Variants in CYP4F22 observed in about 807,000 individuals in gnomAD.
CYP4F22 encodes cytochrome P450 family 4 subfamily F member 22.
CYP4F22 carries 37 observed loss-of-function variants against 60.4 expected under a neutral mutation model. The ratio of observed to expected loss-of-function variants is 0.61; its 90% CI spans 0.47 to 0.81. The LOEUF (loss-of-function observed/expected upper bound fraction) is 0.81, where lower values mean the gene tolerates loss of function less well. Ranked by LOEUF, CYP4F22 falls within the 30% of genes least tolerant of loss-of-function variation. The pLI is 0.00. For synonymous variants in CYP4F22, 258 were observed against 280.5 expected, an observed-to-expected ratio of 0.92 and a Z score of 0.80; for missense variants, 655 against 715.0, an observed-to-expected ratio of 0.92 and a Z score of 0.96.
intron 2 of CYP4F22, among the ~76,000 whole-genome samples, chr19:15,524,669 GGAGA>G (rs35033946): frequency 8.3e-6 from 1 of 120,704 alleles, no homozygotes; most frequent in African/African-American, 2.9e-5. Context: ...AAAGAAAGAA[GGAGA>G]GAGAGAGAGA....
chr19:15,524,064 G>GA (rs71333384), intron 2 of CYP4F22, among the ~76,000 whole-genome samples: 23,905 of 97,942 alleles, frequency 0.24, 2,701 homozygotes, highest in East Asian at 0.66. Context: ...TGTCTCAAAA[G>GA]AAAAAAAAAA....
chr19:15,529,730 C>T lies in CYP4F22; in HGVS notation c.244C>T (p.Leu82Phe), dbSNP rs750057163. The T allele has an allele frequency of 4.3e-6, 7 of 1,614,122 alleles. No individual in the cohort carries two copies. Among genetic ancestry groups the T allele is most frequent in the African/African-American group, 1.3e-5 (1 of 75,024 alleles). ...GCAGTACCTTCCAAATGAGGCGGGC[C>T]TTCAAGATGAGAAGAAGGTACTGGA... Reference protein sequence around the residue: ...LGMYLPNEAGLQDEKKVLDNM... With the variant: ...LGMYLPNEAGFQDEKKVLDNM... Residue 82 changes from leucine (L) to phenylalanine (F), a missense_variant, in exon 4 of 14, where the codon CTT (leucine) becomes TTT (phenylalanine). This residue lies in a region of CYP4F22 where 430 missense variants were observed against 457.1 expected (regional missense o/e 0.94). Transcript: ENST00000269703.
At chr19:15,534,040 AG>A (rs1971370924) in intron 4 of CYP4F22, among the ~76,000 whole-genome samples, 1 of 152,200 alleles carries the variant, frequency 6.6e-6, no homozygotes, top group Non-Finnish European at 1.5e-5. Context: ...TTTTCCACAG[AG>A]GGTGTGCATT....
At chr19:15,509,904 C>CCTTCCTTCTTTCTTTCTTT (rs1323141197) in intron 1 of CYP4F22, among the ~76,000 whole-genome samples, 2 of 86,696 alleles carry the variant, frequency 2.3e-5, no homozygotes, top group Non-Finnish European at 5.0e-5. Flanking sequence ...TTCCTTCCTT[C>CCTTCCTTCTTTCTTTCTTT]CTTTCTTTCT....
At chr19:15,539,574 C>T (rs1273533) in intron 7 of CYP4F22, among the ~76,000 whole-genome samples, 117,001 of 152,176 alleles carry the variant, frequency 0.77, 45,171 homozygotes, top group East Asian at 0.91. Context: ...CTGGGTCATA[C>T]GGTAATTCCA....
At chr19:15,528,886 C>G (rs1971310931) in intron 3 of CYP4F22, among the ~76,000 whole-genome samples, 1 of 152,152 alleles carries the variant, frequency 6.6e-6, no homozygotes, top group Non-Finnish European at 1.5e-5. Flanking sequence ...TTATTACTCA[C>G]ATAGCAAGTA....
chr19:15,510,243 A>G (rs1971074612), intron 1 of CYP4F22, among the ~76,000 whole-genome samples: 1 of 151,984 alleles, frequency 6.6e-6, no homozygotes, highest in Non-Finnish European at 1.5e-5. Flanking sequence ...CAGCCTCCCA[A>G]AGTGCTGGGA....
chr19:15,545,648 CAAAAAAAAAA>C (rs1217096575), intron 10 of CYP4F22, among the ~76,000 whole-genome samples: 2 of 38,936 alleles, frequency 5.1e-5, no homozygotes, highest in Non-Finnish European at 4.6e-5. Flanking sequence ...GACCCTGTCT[CAAAAAAAAAA>C]AAAAAAAAAA....
rs1249863290 is a variant in CYP4F22, at chr19:15,551,640, C to T, written c.*169C>T. On this transcript the variant is annotated 3_prime_UTR_variant, in exon 14 of 14. Transcript: ENST00000269703. ...GCCTGGTGGTACTGGCCACGCCCCT[C>T]AAGGCAAGGCTCCTCCCCTTAGGGG... is the stretch of plus-strand genomic sequence containing the variant. 3.5e-6 allele frequency: 3 copies of T among 850,596 alleles called. No individual in the cohort carries two copies. Among genetic ancestry groups the T allele is most frequent in the African/African-American group, 1.7e-5 (1 of 58,668 alleles). 52.7% of individuals were successfully genotyped at this position (850,596 alleles called of 1,614,324 possible).
rs148134550 is a variant in CYP4F22 at position 15,516,351 on chromosome 19, C to T, written c.-108-7342C>T. 6.6e-5 allele frequency among the ~76,000 whole-genome samples: 10 copies of T among 152,294 alleles called. No homozygotes were observed. The East Asian group carries it at 1.7e-3, about 26-fold the overall frequency. ...GCAACTTCCTCTTTTCCTTTGCTCTCTATTGCCTTTACCTATTTAGGAAAG... is the reference window on the plus strand; with the variant it reads ...GCAACTTCCTCTTTTCCTTTGCTCTTTATTGCCTTTACCTATTTAGGAAAG... On this transcript the variant is annotated intron_variant, in intron 1 of 13. Coordinates refer to ENST00000269703, the MANE Select transcript of CYP4F22 (RefSeq NM_173483.4).
At chr19:15,513,700 C>T (rs986124000) in intron 1 of CYP4F22, among the ~76,000 whole-genome samples, 5 of 151,910 alleles carry the variant, frequency 3.3e-5, no homozygotes, top group African/African-American at 7.3e-5. Flanking sequence ...GGTGTTTCAC[C>T]GTGTTGTCCA....
intron 1 of CYP4F22, among the ~76,000 whole-genome samples, chr19:15,521,607 T>A (rs1369028194): frequency 6.6e-6 from 1 of 152,208 alleles, no homozygotes; most frequent in African/African-American, 2.4e-5. Context: ...AGACACTGCT[T>A]TCAATTCTTT....
chr19:15,531,201 A>G (rs974011766), intron 4 of CYP4F22, among the ~76,000 whole-genome samples: 1 of 151,948 alleles, frequency 6.6e-6, no homozygotes, highest in Non-Finnish European at 1.5e-5. Flanking sequence ...ATCTAGCAAG[A>G]CCCCATCTGT....
chr19:15,545,043 A>G (rs994998309), intron 10 of CYP4F22, among the ~76,000 whole-genome samples: 2 of 152,186 alleles, frequency 1.3e-5, no homozygotes, highest in Non-Finnish European at 2.9e-5. Context: ...CCTGGGCTAC[A>G]AGAGTGAAAC....
At chr19:15,519,878 T>C (rs1240401608) in intron 1 of CYP4F22, among the ~76,000 whole-genome samples, 2 of 152,132 alleles carry the variant, frequency 1.3e-5, no homozygotes, top group Non-Finnish European at 2.9e-5. Flanking sequence ...AAGGTCACAC[T>C]GGTGTGGACC....
At chr19:15,530,607 C>T (rs1971332433) in intron 4 of CYP4F22, among the ~76,000 whole-genome samples, 1 of 152,126 alleles carries the variant, frequency 6.6e-6, no homozygotes, top group South Asian at 2.1e-4. Flanking sequence ...AATTGACTCA[C>T]AGTTCCGCAG....
chr19:15,522,550 C>A (rs1381517535), intron 1 of CYP4F22, among the ~76,000 whole-genome samples: 1 of 152,088 alleles, frequency 6.6e-6, no homozygotes, highest in African/African-American at 2.4e-5. Context: ...ATGGTGTGCA[C>A]CTATAGTCCC....
At position 15,547,992 on chromosome 19, in the gene CYP4F22, AGAGGGAGAGAGTGTGTGTGT is replaced by A. The variant is rs71176433; in HGVS notation, c.1137-114_1137-95del. 0.11 allele frequency: 53,767 copies of A among 490,800 alleles called. 5,708 individuals are homozygous for A. Among genetic ancestry groups the A allele is most frequent in the Non-Finnish European group, 0.12 (40,468 of 339,322 alleles). 30.4% of individuals were successfully genotyped at this position (490,800 alleles called of 1,614,324 possible). On this transcript the variant is annotated intron_variant, in intron 10 of 13. Coordinates refer to ENST00000269703, the MANE Select transcript of CYP4F22 (RefSeq NM_173483.4). Reference sequence around the variant, plus strand: ...CTGAGAGAGAGAGAGAGAGAGAGAGAGAGGGAGAGAGTGTGTGTGTGTGTGTGTGTGTGTGTGTGTGTGTG... The same window carrying A: ...CTGAGAGAGAGAGAGAGAGAGAGAGAGTGTGTGTGTGTGTGTGTGTGTGTG...
chr19:15,514,210 A>C (rs1272876737), intron 1 of CYP4F22, among the ~76,000 whole-genome samples: 1 of 152,200 alleles, frequency 6.6e-6, no homozygotes, highest in Admixed American at 6.6e-5. Context: ...GTTTCAGCTG[A>C]ACCATAGGGC....
Sources: allele counts gnomAD v4.1 joint callset (sites outside exome capture counted in the v4.1 genomes callset), GRCh38; gene constraint gnomAD v4.1.1; regional missense constraint gnomAD v4.1.1; transcripts MANE v1.5; gene names NCBI Gene and HGNC (gene_info 2026-07-23, HGNC 2026-07-21).